The following CADM2 variants were observed in gnomAD, a reference collection of about 807,000 sequenced individuals.
The protein encoded by CADM2 is cell adhesion molecule 2, also known as immunoglobulin superfamily member 4D.
A neutral mutation model predicts 49.8 loss-of-function variants in CADM2; 12 were observed. The ratio of observed to expected loss-of-function variants is 0.24; its 90% CI spans 0.15 to 0.39. The LOEUF is 0.39. Ranked by LOEUF, CADM2 falls within the 10% of genes least tolerant of loss-of-function variation. The pLI, the probability that CADM2 is intolerant of heterozygous loss-of-function variation, is 1.00. For synonymous variants in CADM2, 214 were observed against 175.4 expected (o/e 1.22, Z -1.74); for missense variants, 378 against 492.3 (o/e 0.77, Z 2.20).
At chr3:85,392,180 T>G (rs1315277178) in intron 1 of CADM2, among the ~76,000 whole-genome samples, 1 of 152,128 alleles carries the variant, frequency 6.6e-6, no homozygotes, top group Non-Finnish European at 1.5e-5. Flanking sequence ...AACAGTGAGT[T>G]AGATTGCTAG....
chr3:85,295,628 A>C (rs1442718068), intron 1 of CADM2, among the ~76,000 whole-genome samples: 24 of 152,144 alleles, frequency 1.6e-4, no homozygotes, highest in Non-Finnish European at 1.5e-5. Context: ...TGATGAGTTC[A>C]TGTCCTTTGT....
chr3:85,463,294 T>G (rs1376393244), intron 1 of CADM2, among the ~76,000 whole-genome samples: 1 of 152,182 alleles, frequency 6.6e-6, no homozygotes, highest in African/African-American at 2.4e-5. Flanking sequence ...TTCTAACTGA[T>G]TTTGAATGAC....
intron 1 of CADM2, among the ~76,000 whole-genome samples, chr3:85,624,788 T>G (rs1328333602): frequency 6.6e-6 from 1 of 152,166 alleles, no homozygotes; most frequent in East Asian, 1.9e-4. Flanking sequence ...GATATTTACT[T>G]TATTTTTTGA....
At chr3:85,003,375 T>TA (rs1384113100) in intron 1 of CADM2, among the ~76,000 whole-genome samples, 1 of 152,060 alleles carries the variant, frequency 6.6e-6, no homozygotes, top group South Asian at 2.1e-4. Flanking sequence ...TGAGATTGTT[T>TA]AAAAAAATCT....
intron 1 of CADM2, among the ~76,000 whole-genome samples, chr3:85,525,652 T>C (rs551932364): frequency 6.6e-6 from 1 of 152,290 alleles, no homozygotes; most frequent in East Asian, 1.9e-4. Context: ...TCCTACCTAA[T>C]ATGATTATTT....
chr3:85,210,689 T>C (rs1005068432), intron 1 of CADM2, among the ~76,000 whole-genome samples: 2 of 152,074 alleles, frequency 1.3e-5, no homozygotes, highest in Non-Finnish European at 2.9e-5. Flanking sequence ...TGCAGGTATA[T>C]GCCACCAAGC....
At chr3:85,568,541 T>G (rs1313121663) in intron 1 of CADM2, among the ~76,000 whole-genome samples, 3 of 148,328 alleles carry the variant, frequency 2.0e-5, no homozygotes. Flanking sequence ...TCTCTTTTCT[T>G]TCTTTCTTTC....
At chr3:86,051,276 C>T (rs988436265) in intron 8 of CADM2, among the ~76,000 whole-genome samples, 3 of 152,120 alleles carry the variant, frequency 2.0e-5, no homozygotes, top group Non-Finnish European at 2.9e-5. Context: ...ACATAACTAA[C>T]GTGACCTTTG....
intron 2 of CADM2, among the ~76,000 whole-genome samples, chr3:85,767,087 T>A (rs1385210781): frequency 6.6e-6 from 1 of 152,198 alleles, no homozygotes; most frequent in Non-Finnish European, 1.5e-5. Flanking sequence ...TTTACCCAAA[T>A]GAATAGATGT....
At chr3:85,145,315 C>T (rs939513737) in intron 1 of CADM2, among the ~76,000 whole-genome samples, 6 of 152,126 alleles carry the variant, frequency 3.9e-5, no homozygotes. Flanking sequence ...TACAACAATG[C>T]CATGCACAGA....
intron 1 of CADM2, among the ~76,000 whole-genome samples, chr3:85,251,983 C>T (rs1372160274): frequency 6.6e-6 from 1 of 151,966 alleles, no homozygotes; most frequent in African/African-American, 2.4e-5. Flanking sequence ...AATATCTCCA[C>T]CACAAAGCCT....
chr3:85,087,699 C>G (rs1036625802), intron 1 of CADM2, among the ~76,000 whole-genome samples: 4 of 151,906 alleles, frequency 2.6e-5, no homozygotes, highest in African/African-American at 9.7e-5. Context: ...TGAAAGTTTT[C>G]CCATATTTTT....
intron 1 of CADM2, among the ~76,000 whole-genome samples, chr3:85,261,507 T>C (rs1204498083): frequency 6.6e-6 from 1 of 152,180 alleles, no homozygotes; most frequent in African/African-American, 2.4e-5. Context: ...TGAATCACTA[T>C]TCTAATTATT....
chr3:85,869,876 C>T (rs952325047), intron 3 of CADM2, among the ~76,000 whole-genome samples: 6 of 151,846 alleles, frequency 4.0e-5, no homozygotes, highest in Admixed American at 1.3e-4. Flanking sequence ...TTAGCCAGGA[C>T]GGTATTGATC....
intron 1 of CADM2, among the ~76,000 whole-genome samples, chr3:85,702,299 C>A (rs370304803): frequency 2.3e-3 from 352 of 152,152 alleles, no homozygotes; most frequent in African/African-American, 7.6e-3. Flanking sequence ...GGCACCAATT[C>A]TTTTTTTATT....
At chr3:85,463,920 T>C (rs1355850820) in intron 1 of CADM2, among the ~76,000 whole-genome samples, 1 of 152,152 alleles carries the variant, frequency 6.6e-6, no homozygotes, top group Non-Finnish European at 1.5e-5. Context: ...AATATGTTCA[T>C]AGATCCAAGG....
In CADM2 at chr3:85,841,101, T is replaced by A. The variant is rs1315961497; in HGVS notation, c.238+38905T>A. 5.3e-5 allele frequency among the ~76,000 whole-genome samples: 8 copies of A among 151,774 alleles called. No homozygotes were observed. The Admixed American group carries it at 5.3e-4, about 10-fold the overall frequency. Reference sequence around the variant, plus strand: ...TGGAGGGCAGTGGAAGAAAAGTAAATGCCCAATTAGAGAATTGATTATATT... The same window carrying A: ...TGGAGGGCAGTGGAAGAAAAGTAAAAGCCCAATTAGAGAATTGATTATATT... On this transcript the variant is annotated intron_variant, in intron 3 of 9. Coordinates refer to ENST00000383699, the MANE Select transcript of CADM2 (RefSeq NM_001167675.2).
At chr3:85,755,720 T>C (rs2069085827) in intron 2 of CADM2, among the ~76,000 whole-genome samples, 1 of 151,938 alleles carries the variant, frequency 6.6e-6, no homozygotes, top group Non-Finnish European at 1.5e-5. Context: ...TGCTACACAC[T>C]TTTAAACAGC....
intron 1 of CADM2, among the ~76,000 whole-genome samples, chr3:85,466,613 TA>T (rs2038503276): frequency 6.6e-6 from 1 of 152,184 alleles, no homozygotes; most frequent in African/African-American, 2.4e-5. Context: ...ATTTTAATGC[TA>T]TATGAAATCA....
Sources: allele counts gnomAD v4.1 joint callset (sites outside exome capture counted in the v4.1 genomes callset), GRCh38; gene constraint gnomAD v4.1.1; transcripts MANE v1.5; gene names NCBI Gene and HGNC (gene_info 2026-07-23, HGNC 2026-07-21).